The following CCDC171 variants were observed in gnomAD, a reference collection of about 807,000 sequenced individuals.
CCDC171 encodes coiled-coil domain containing 171, also known as coiled-coil domain-containing protein 171.
In CCDC171, 177 loss-of-function variants were observed where a neutral mutation model predicts 168.2. The observed-to-expected ratio is 1.05, with a 90% CI of 0.93 to 1.19. CCDC171 has a LOEUF of 1.19. CCDC171 is among the 50% of genes most tolerant of loss of function. The pLI is 0.00. For synonymous variants in CCDC171, 687 were observed against 540.8 expected (o/e 1.27, Z -3.75); for missense variants, 1,991 against 1,539.0 (o/e 1.29, Z -4.91).
Position 15,657,194 on chromosome 9 carries a change from C to A in CCDC171, c.890C>A (p.Ser297Ter). 2 of 1,609,206 alleles carry A rather than the reference C, an allele frequency of 1.2e-6. No homozygotes were observed. Among genetic ancestry groups the A allele is most frequent in the South Asian group, 1.1e-5 (1 of 90,778 alleles). Residue 297 changes from serine (S) to a stop codon, truncating the protein, a stop_gained, in exon 8 of 26, where the codon TCA (serine) becomes TAA (stop). Coordinates refer to ENST00000380701, the MANE Select transcript of CCDC171 (RefSeq NM_173550.4). LOFTEE classifies it high-confidence loss of function. Reference sequence around the variant, plus strand: ...GCAGAAAGAGCAGCGCATTTGGAATCAAAATTTAATTCTGAAATTATTCAG... The same window carrying A: ...GCAGAAAGAGCAGCGCATTTGGAATAAAAATTTAATTCTGAAATTATTCAG... The part of the protein sequence containing the change: ...IEAERAAHLE[S>*]KFNSEIIQLR...
chr9:16,040,934 C>G (rs555654818), upstream of CCDC171, among the ~76,000 whole-genome samples: 1 of 151,968 alleles, frequency 6.6e-6, no homozygotes, highest in Non-Finnish European at 1.5e-5. Context: ...AGTTCCCTTG[C>G]TTTATACATA....
chr9:15,569,641 C>T (rs1012444447), intron 2 of CCDC171, among the ~76,000 whole-genome samples: 1 of 151,528 alleles, frequency 6.6e-6, no homozygotes, highest in African/African-American at 2.4e-5. Context: ...CGGTGAAACC[C>T]CGTCTCTACT....
chr9:15,971,159 T>C (rs1831324146), intron 25 of CCDC171, among the ~76,000 whole-genome samples: 1 of 152,168 alleles, frequency 6.6e-6, no homozygotes, highest in Non-Finnish European at 1.5e-5. Context: ...ATAAGTAAAA[T>C]GGATAGATTT....
At chr9:15,940,562 A>T (rs1034502301) in intron 25 of CCDC171, among the ~76,000 whole-genome samples, 3 of 152,004 alleles carry the variant, frequency 2.0e-5, no homozygotes, top group African/African-American at 7.2e-5. Context: ...ATCATCAAAC[A>T]TCTTGTACTA....
upstream of CCDC171, among the ~76,000 whole-genome samples, chr9:16,038,586 G>A (rs530745003): frequency 2.1e-4 from 32 of 152,032 alleles, no homozygotes; most frequent in South Asian, 6.0e-3. Context: ...TACCAAATCA[G>A]TAGAACAGGA....
intron 7 of CCDC171, chr9:16,035,619 C>G (rs1205434310): frequency 6.6e-6 from 1 of 152,200 alleles, no homozygotes; most frequent in Non-Finnish European, 1.5e-5. Context: ...TTGCTTACTG[C>G]CTGCTTCTAG....
chr9:15,654,134 A>G (rs1334386415), intron 7 of CCDC171, among the ~76,000 whole-genome samples: 3 of 151,964 alleles, frequency 2.0e-5, no homozygotes, highest in African/African-American at 7.3e-5. Flanking sequence ...TCAAAGTATT[A>G]TTTTATCCTT....
intron 24 of CCDC171, among the ~76,000 whole-genome samples, chr9:15,913,538 C>T (rs1341546731): frequency 6.6e-6 from 1 of 152,128 alleles, no homozygotes; most frequent in Non-Finnish European, 1.5e-5. Flanking sequence ...TTCAGTTCTG[C>T]CGTGATTTTA....
chr9:15,877,915 TAAA>T (rs1818072716), intron 24 of CCDC171, among the ~76,000 whole-genome samples: 1 of 152,092 alleles, frequency 6.6e-6, no homozygotes, highest in Non-Finnish European at 1.5e-5. Context: ...GATTCAGTAG[TAAA>T]CAATAAATAA....
chr9:16,044,625 C>T (rs1213872486), intron 1 of CCDC171, among the ~76,000 whole-genome samples: 1 of 151,658 alleles, frequency 6.6e-6, no homozygotes, highest in African/African-American at 2.4e-5. Flanking sequence ...AATCCCCTGG[C>T]CGTGACACAG....
intron 4 of CCDC171, among the ~76,000 whole-genome samples, chr9:15,590,009 A>G (rs895024721): frequency 6.6e-6 from 1 of 152,248 alleles, no homozygotes; most frequent in South Asian, 2.1e-4. Flanking sequence ...CGTTATGGAA[A>G]GAAGTAGACC....
the CCDC171 span, among the ~76,000 whole-genome samples, chr9:16,071,594 C>T: frequency 6.6e-6 from 1 of 152,236 alleles, no homozygotes; most frequent in Non-Finnish European, 1.5e-5. Context: ...TGCACAAGCA[C>T]ACGAGCACAG....
At chr9:15,989,244 A>G (rs930380750) in intron 3 of CCDC171, among the ~76,000 whole-genome samples, 1 of 152,124 alleles carries the variant, frequency 6.6e-6, no homozygotes, top group Non-Finnish European at 1.5e-5. Context: ...CAGAGGAACA[A>G]TCAGGCAGCA....
At chr9:15,582,690 C>T (rs547086221) in intron 4 of CCDC171, among the ~76,000 whole-genome samples, 1 of 152,100 alleles carries the variant, frequency 6.6e-6, no homozygotes, top group East Asian at 1.9e-4. Context: ...GAACAGAAAA[C>T]CAAACAGCGC....
intron 23 of CCDC171, among the ~76,000 whole-genome samples, chr9:15,864,942 A>T (rs1198505489): frequency 6.6e-6 from 1 of 152,082 alleles, no homozygotes; most frequent in Non-Finnish European, 1.5e-5. Flanking sequence ...GTTTGGAAAG[A>T]TTAACTGAAA....
intron 21 of CCDC171, among the ~76,000 whole-genome samples, chr9:15,822,356 T>C (rs2059813756): frequency 6.6e-6 from 1 of 151,134 alleles, no homozygotes; most frequent in African/African-American, 2.4e-5. Flanking sequence ...ACTAAAGAGC[T>C]TCTGCACAGC....
chr9:15,573,990 AT>A (rs2040437633), intron 3 of CCDC171, among the ~76,000 whole-genome samples: 1 of 152,186 alleles, frequency 6.6e-6, no homozygotes, highest in Admixed American at 6.5e-5. Flanking sequence ...CTTTTATTTG[AT>A]CAAAATGTTT....
intron 3 of CCDC171, among the ~76,000 whole-genome samples, chr9:15,577,240 C>A (rs2040742698): frequency 6.6e-6 from 1 of 152,152 alleles, no homozygotes; most frequent in African/African-American, 2.4e-5. Flanking sequence ...CATAAAAACT[C>A]GTTTTTCTGA....
chr9:15,566,114 A>T (rs776783574), intron 2 of CCDC171, among the ~76,000 whole-genome samples: 2 of 152,036 alleles, frequency 1.3e-5, no homozygotes, highest in Admixed American at 6.5e-5. Flanking sequence ...ACGATGTTGA[A>T]CATCTTTGCA....
Sources: allele counts gnomAD v4.1 joint callset (sites outside exome capture counted in the v4.1 genomes callset), GRCh38; gene constraint gnomAD v4.1.1; transcripts MANE v1.5; gene names NCBI Gene and HGNC (gene_info 2026-07-23, HGNC 2026-07-21).